Variants in RB1 observed in about 807,000 individuals in gnomAD.
RB1 encodes the protein RB transcriptional corepressor 1.
Under a neutral mutation model 135.4 loss-of-function variants are expected in RB1, and 18 were observed. The observed-to-expected ratio is 0.13, with a 90% CI of 0.09 to 0.20. The LOEUF (loss-of-function observed/expected upper bound fraction) is 0.20. RB1 is among the 10% of genes least tolerant of loss of function. RB1 has a pLI of 1.00. For synonymous variants in RB1, 365 were observed against 373.2 expected (o/e 0.98, Z 0.25); for missense variants, 868 against 1,110.0 (o/e 0.78, Z 3.10).
intron 2 of RB1, among the ~76,000 whole-genome samples, chr13:48,312,244 G>A (rs562407140): frequency 6.6e-6 from 1 of 151,918 alleles, no homozygotes; most frequent in East Asian, 1.9e-4. Context: ...GATTTTTGTT[G>A]TTTTGTAATC....
rs749495284 is a variant in RB1 at position 48,345,092 on chromosome 13, C to A, written c.393C>A (p.Phe131Leu). 7.4e-6 allele frequency: 12 copies of A among 1,611,612 alleles called. No individual in the cohort carries two copies. The highest frequency in any genetic ancestry group is 1.0e-5 in the Non-Finnish European group (12 of 1,178,878). The change falls in exon 4 of 27, where the codon TTC (phenylalanine) becomes TTA (leucine). Residue 131 changes from phenylalanine to leucine, a missense_variant. This residue lies in a region of RB1 where 641 missense variants were observed against 791.3 expected (regional missense o/e 0.81). Transcript: ENST00000267163. ...QKNIEISVHK[F>L]FNLLKEIDTS... ...CTTTCCTTTGTAGTGTCCATAAATT[C>A]TTTAACTTACTAAAAGAAATTGATA...
intron 18 of RB1, among the ~76,000 whole-genome samples, chr13:48,454,154 A>C (rs1949346000): frequency 1.3e-5 from 2 of 152,266 alleles, no homozygotes; most frequent in Non-Finnish European, 1.5e-5. Flanking sequence ...GAATTAGAGA[A>C]ATAAGATAAC....
chr13:48,361,813 T>C (rs1438189114), intron 7 of RB1, among the ~76,000 whole-genome samples: 4 of 152,144 alleles, frequency 2.6e-5, no homozygotes, highest in Non-Finnish European at 5.9e-5. Flanking sequence ...TCTTGAGTTT[T>C]CCACAGTGTG....
At chr13:48,368,725 G>C (rs1952728969) in intron 11 of RB1, 121 bp downstream of exon 11, 2 of 1,390,382 alleles carry the variant, frequency 1.4e-6, no homozygotes, top group South Asian at 1.4e-5. Context: ...TATATTGAAG[G>C]CCAGGTGTGG....
chr13:48,458,545 T>A (rs1949376588), intron 19 of RB1, among the ~76,000 whole-genome samples: 1 of 152,142 alleles, frequency 6.6e-6, no homozygotes, highest in South Asian at 2.1e-4. Context: ...ACCTGGAAAT[T>A]GTAGAAATGA....
chr13:48,319,275 G>T lies in RB1; in HGVS notation c.264+11869G>T. On this transcript the variant is annotated intron_variant, in intron 2 of 26. Coordinates refer to ENST00000267163, the MANE Select transcript of RB1 (RefSeq NM_000321.3). This position sits in a 1 kb window ranked among gnomAD's most constrained non-coding sequence, Gnocchi z 5.0. ...ACTTTTTTGTGGCGCTGCTTGTGCTGTGTGCGGGGTCAGGCGTCCTCTCTC... is the reference window on the plus strand; with the variant it reads ...ACTTTTTTGTGGCGCTGCTTGTGCTTTGTGCGGGGTCAGGCGTCCTCTCTC... 1 of 798,660 alleles carries T rather than the reference G, an allele frequency of 1.3e-6. No homozygotes were observed. Among genetic ancestry groups the T allele is most frequent in the Non-Finnish European group, 1.9e-6 (1 of 525,248 alleles). 49.5% of individuals were successfully genotyped at this position (798,660 alleles called of 1,614,324 possible).
Position 48,303,922 on chromosome 13 carries a change from A to C in RB1, c.10A>C (p.Lys4Gln). 1.3e-6 allele frequency: 2 copies of C among 1,512,862 alleles called. No individual in the cohort carries two copies. Among genetic ancestry groups the C allele is most frequent in the Non-Finnish European group, 1.8e-6 (2 of 1,137,792 alleles). 93.7% of individuals were successfully genotyped at this position (1,512,862 alleles called of 1,614,324 possible). A position where few individuals can be genotyped will look rare whatever the true frequency, so the allele number is the denominator to read the frequency against. Residue 4 changes from lysine (K) to glutamine (Q), a missense_variant, in exon 1 of 27, where the codon AAA (lysine) becomes CAA (glutamine). This residue lies in a region of RB1 where 641 missense variants were observed against 791.3 expected (regional missense o/e 0.81). Coordinates refer to ENST00000267163, the MANE Select transcript of RB1 (RefSeq NM_000321.3). ...GCCGCGGAAAGGCGTCATGCCGCCC[A>C]AAACCCCCCGAAAAACGGCCGCCAC... MPP[K>Q]TPRKTAATAA... is the part of the protein sequence containing the mutation.
At chr13:48,318,920 C>A in intron 2 of RB1, 1 of 1,181,996 alleles carries the variant, frequency 8.5e-7, no homozygotes, top group Non-Finnish European at 1.2e-6. Context: ...GCTACTGTCG[C>A]CGTCAGAGCG....
intron 10 of RB1, 70 bp downstream of exon 10, chr13:48,367,673 A>G: frequency 6.5e-7 from 1 of 1,528,588 alleles, no homozygotes; most frequent in Non-Finnish European, 8.9e-7. Context: ...TAGATTATAT[A>G]GTCTTTAGCT....
intron 19 of RB1, among the ~76,000 whole-genome samples, chr13:48,457,699 G>C (rs1309582225): frequency 6.6e-6 from 1 of 152,206 alleles, no homozygotes; most frequent in Non-Finnish European, 1.5e-5. Context: ...CCCCGTGCTC[G>C]TCAGCGCCCA....
intron 12 of RB1, among the ~76,000 whole-genome samples, chr13:48,376,706 G>GTT (rs1319048104): frequency 1.3e-5 from 2 of 151,972 alleles, no homozygotes; most frequent in Non-Finnish European, 2.9e-5. Flanking sequence ...AGATAATAGG[G>GTT]TTTTTTAGTT....
intron 24 of RB1, among the ~76,000 whole-genome samples, chr13:48,475,699 G>C (rs1949499961): frequency 6.6e-6 from 1 of 152,214 alleles, no homozygotes; most frequent in Non-Finnish European, 1.5e-5. Flanking sequence ...CACACAAGGA[G>C]GTGAATACCA....
At chr13:48,433,670 T>G (rs1212356642) in intron 17 of RB1, among the ~76,000 whole-genome samples, 4 of 118,898 alleles carry the variant, frequency 3.4e-5, no homozygotes, top group African/African-American at 2.9e-5. Context: ...GTTTTACTGT[T>G]AACAAAAATG....
At chr13:48,379,672 A>G (rs1237600371) in intron 14 of RB1, 22 bp downstream of exon 14, 1 of 1,605,340 alleles carries the variant, frequency 6.2e-7, no homozygotes, top group African/African-American at 1.3e-5. Flanking sequence ...ACAATATAAA[A>G]AAATTTCAGC....
rs1566235775 is a variant in RB1, at chr13:48,459,937, CTTT to C, written c.2106+105_2106+107del. 266 of 496,354 alleles carry C rather than the reference CTTT, an allele frequency of 5.4e-4. 9 individuals carry two copies. The highest frequency in any genetic ancestry group is 7.6e-4 in the Non-Finnish European group (225 of 296,334). 30.7% of individuals were successfully genotyped at this position (496,354 alleles called of 1,614,324 possible). ...TCTTTCTTTCTTTCTTTCTTTCTTT[CTTT>C]CTTTCTTTCTTTTTCTTTCTTTCTT... On this transcript the variant is annotated intron_variant, in intron 20 of 26. Transcript: ENST00000267163.
At chr13:48,377,127 G>A in intron 13 of RB1, 93 bp downstream of exon 13, 1 of 1,277,014 alleles carries the variant, frequency 7.8e-7, no homozygotes, top group East Asian at 2.3e-5. Flanking sequence ...AACAGTATTT[G>A]TCTAGTAGTA....
intron 24 of RB1, 75 bp downstream of exon 24, chr13:48,473,465 G>C (rs2138354930): frequency 7.6e-7 from 1 of 1,311,306 alleles, no homozygotes; most frequent in Non-Finnish European, 1.1e-6. Context: ...TCTATAATTT[G>C]AATTTCCAAA....
At position 48,367,591 on chromosome 13, in the gene RB1, A is replaced by C. The variant is rs1566194403; in HGVS notation, c.1037A>C (p.Asp346Ala). The C allele has an allele frequency of 6.2e-7, 1 of 1,604,180 alleles. No homozygotes were observed. Among genetic ancestry groups the C allele is most frequent in the Non-Finnish European group, 8.5e-7 (1 of 1,173,874 alleles). Residue 346 changes from aspartate to alanine, a missense_variant, in exon 10 of 27, where the codon GAT becomes GCT. By Grantham distance (126) the Asp-to-Ala change is moderately radical (BLOSUM62 -2). Transcript: ENST00000267163. Reference protein sequence around the residue: ...FLDHDKTLQTDSIDSFETQRT... With the variant: ...FLDHDKTLQTASIDSFETQRT... The stretch of plus-strand genomic sequence containing the variant: ...GATCATGATAAAACTCTTCAGACTG[A>C]TTCTATAGACAGGTATTGCACATGG...
Position 48,331,435 on chromosome 13 carries a change from T to A in RB1, c.265-11164T>A, listed in dbSNP as rs76500789. Reference sequence around the variant, plus strand: ...TGAGGCCTCTGCCTTTATGAATGGATCAATCTATTCATGGATTAATTGGTT... The same window carrying A: ...TGAGGCCTCTGCCTTTATGAATGGAACAATCTATTCATGGATTAATTGGTT... On this transcript the variant is annotated intron_variant, in intron 2 of 26. Coordinates refer to ENST00000267163, the MANE Select transcript of RB1 (RefSeq NM_000321.3). Among the ~76,000 whole-genome samples, 16 of 152,328 alleles carry A rather than the reference T, an allele frequency of 1.1e-4. No homozygotes were observed. In the East Asian group the frequency reaches 3.1e-3, roughly 29 times the overall value.
Sources: allele counts gnomAD v4.1 joint callset (sites outside exome capture counted in the v4.1 genomes callset), GRCh38; gene constraint gnomAD v4.1.1; regional missense constraint gnomAD v4.1.1; non-coding constraint Gnocchi (gnomAD v3.1); transcripts MANE v1.5; gene names NCBI Gene and HGNC (gene_info 2026-07-23, HGNC 2026-07-21).